The following HAO1 variants were observed in gnomAD, a reference collection of about 807,000 sequenced individuals.
The protein encoded by HAO1 is 2-Hydroxyacid oxidase 1.
In HAO1, 34 loss-of-function variants were observed where a neutral mutation model predicts 39.7. The ratio of observed to expected loss-of-function variants is 0.86; its 90% CI spans 0.65 to 1.14. The LOEUF is 1.14. Among genes scored for constraint, HAO1 ranks in the 50% most tolerant of loss-of-function variants. The pLI, the probability that HAO1 is intolerant of heterozygous loss-of-function variation, is 0.00. For synonymous variants in HAO1, 172 were observed against 173.2 expected, an observed-to-expected ratio of 0.99 and a Z score of 0.05; for missense variants, 479 against 464.5, an observed-to-expected ratio of 1.03 and a Z score of -0.29.
intron 2 of HAO1, among the ~76,000 whole-genome samples, chr20:7,925,639 T>C (rs922091974): frequency 1.3e-5 from 2 of 152,172 alleles, no homozygotes; most frequent in Non-Finnish European, 2.9e-5. Context: ...TTAAGGAGTA[T>C]TGAGTTTGCA....
rs181086689 is a variant in HAO1 at position 7,902,936 on chromosome 20, A to T, written c.721+3218T>A. Among the ~76,000 whole-genome samples the T allele has an allele frequency of 1.8e-3, 280 of 152,310 alleles. 2 individuals carry two copies. Among genetic ancestry groups the T allele is most frequent in the African/African-American group, 5.4e-3 (224 of 41,574 alleles). ...ATTATTAAAATGGTGAGACAGTCAG[A>T]TGTTTGGTCTAGATCTTCACAGTTG... On this transcript the variant is annotated intron_variant, in intron 4 of 7. Transcript: ENST00000378789.
At chr20:7,921,927 G>T (rs2050334972) in intron 2 of HAO1, among the ~76,000 whole-genome samples, 1 of 151,966 alleles carries the variant, frequency 6.6e-6, no homozygotes, top group African/African-American at 2.4e-5. Context: ...TCAAAAAAAT[G>T]GTAACAATAG....
intron 5 of HAO1, among the ~76,000 whole-genome samples, chr20:7,889,858 C>T (rs1173558944): frequency 3.3e-5 from 5 of 152,174 alleles, no homozygotes; most frequent in Admixed American, 2.6e-4. Flanking sequence ...GGCTTACTCA[C>T]CTAGCCCTTA....
intron 2 of HAO1, among the ~76,000 whole-genome samples, chr20:7,916,968 T>C (rs1415995559): frequency 3.9e-5 from 6 of 152,188 alleles, no homozygotes; most frequent in African/African-American, 1.4e-4. Flanking sequence ...TTCAGGTCAC[T>C]TACTGCTGTT....
intron 4 of HAO1, among the ~76,000 whole-genome samples, chr20:7,905,299 T>TCAAAGTA: frequency 6.6e-6 from 1 of 152,290 alleles, no homozygotes; most frequent in African/African-American, 2.4e-5. Context: ...AATTAAATAG[T>TCAAAGTA]CAAAGTAGGT....
intron 1 of HAO1, among the ~76,000 whole-genome samples, chr20:7,938,684 A>G (rs986252008): frequency 1.3e-5 from 2 of 149,530 alleles, no homozygotes; most frequent in African/African-American, 5.1e-5. Context: ...CACTTGGCCA[A>G]CTATTTTGGG....
At chr20:7,886,930 C>A (rs2050153895) in intron 5 of HAO1, among the ~76,000 whole-genome samples, 1 of 152,148 alleles carries the variant, frequency 6.6e-6, no homozygotes, top group African/African-American at 2.4e-5. Flanking sequence ...TCCCCCTCAT[C>A]TTTGGCCCCA....
At chr20:7,932,916 G>C (rs1343900985) in intron 2 of HAO1, among the ~76,000 whole-genome samples, 1 of 152,052 alleles carries the variant, frequency 6.6e-6, no homozygotes, top group Admixed American at 6.5e-5. Context: ...TACAGTGCCA[G>C]ATTATTTTCT....
intron 2 of HAO1, among the ~76,000 whole-genome samples, chr20:7,922,169 A>G (rs1015473252): frequency 6.6e-6 from 1 of 152,154 alleles, no homozygotes; most frequent in Admixed American, 6.6e-5. Context: ...AAAAGAAGAG[A>G]TATAAATGGC....
intron 4 of HAO1, among the ~76,000 whole-genome samples, chr20:7,897,350 A>T (rs866326555): frequency 6.6e-6 from 1 of 152,134 alleles, no homozygotes; most frequent in African/African-American, 2.4e-5. Flanking sequence ...GGTCTTTAAT[A>T]ATTTCCTCCA....
intron 4 of HAO1, among the ~76,000 whole-genome samples, chr20:7,898,945 TA>T (rs3215460): frequency 0.56 from 81,871 of 145,158 alleles, 24,899 homozygotes; most frequent in Non-Finnish European, 0.71. Context: ...AAGTCAAATG[TA>T]AAAAAAAAAA....
intron 1 of HAO1, among the ~76,000 whole-genome samples, chr20:7,938,776 C>A (rs2050425889): frequency 6.6e-6 from 1 of 152,138 alleles, no homozygotes; most frequent in African/African-American, 2.4e-5. Flanking sequence ...GGGACAGGAA[C>A]TTTGTCTGGC....
intron 2 of HAO1, among the ~76,000 whole-genome samples, chr20:7,931,701 G>T (rs1030685085): frequency 1.3e-5 from 2 of 152,102 alleles, no homozygotes; most frequent in Non-Finnish European, 2.9e-5. Context: ...ACTTCTGGAG[G>T]AAATAGTCCT....
intron 2 of HAO1, among the ~76,000 whole-genome samples, chr20:7,917,447 A>G (rs1428104658): frequency 6.6e-6 from 1 of 152,078 alleles, no homozygotes; most frequent in Admixed American, 6.5e-5. Context: ...TCCCAGGGCA[A>G]TGATCTTTCT....
intron 4 of HAO1, among the ~76,000 whole-genome samples, chr20:7,903,858 C>CGGTGGTGGTGGTGGTGGTGGT (rs10585629): frequency 2.1e-4 from 12 of 57,616 alleles, no homozygotes; most frequent in South Asian, 1.7e-3. Context: ...ATTGTGGTAG[C>CGGTGGTGGTGGTGGTGGTGGT]GGTGGTGGTG....
intron 5 of HAO1, among the ~76,000 whole-genome samples, chr20:7,889,943 A>T (rs984316181): frequency 1.1e-4 from 17 of 152,110 alleles, no homozygotes; most frequent in African/African-American, 4.1e-4. Flanking sequence ...CATGGCTCTG[A>T]CTTATGACAT....
intron 4 of HAO1, among the ~76,000 whole-genome samples, chr20:7,905,266 T>C (rs2050242048): frequency 1.3e-5 from 2 of 151,066 alleles, no homozygotes; most frequent in African/African-American, 4.9e-5. Flanking sequence ...TTTACTTTTA[T>C]AAGCTCATTT....
Position 7,883,641 on chromosome 20 carries a change from G to T in HAO1, c.1065C>A (p.Ile355=), listed in dbSNP as rs202122200. ...GATTTTTCCTCACCAATGTCTTGTC[G>T]ATGACTTTCACATTCTGGCACCCTG... ...ALSGCQNVKV[I]DKTLVRKNPL... The change falls in exon 8 of 8, where the codon ATC becomes ATA. Residue 355 remains isoleucine (I), a synonymous_variant. Coordinates refer to ENST00000378789, the MANE Select transcript of HAO1 (RefSeq NM_017545.3). 4 of 1,612,152 alleles carry T rather than the reference G, an allele frequency of 2.5e-6. No homozygotes were observed. Among genetic ancestry groups the T allele is most frequent in the East Asian group, 2.2e-5 (1 of 44,830 alleles).
intron 3 of HAO1, 45 bp downstream of exon 3, chr20:7,914,119 A>G: frequency 6.2e-7 from 1 of 1,607,106 alleles, no homozygotes; most frequent in South Asian, 1.1e-5. Flanking sequence ...ATTCCCAGTC[A>G]AGATCCCTTT....
Sources: allele counts gnomAD v4.1 joint callset (sites outside exome capture counted in the v4.1 genomes callset), GRCh38; gene constraint gnomAD v4.1.1; transcripts MANE v1.5; gene names NCBI Gene and HGNC (gene_info 2026-07-23, HGNC 2026-07-21).